Variants in FHIT observed in about 807,000 individuals in gnomAD.
FHIT encodes bis(5'-adenosyl)-triphosphatase.
A neutral mutation model predicts 17.9 loss-of-function variants in FHIT; 19 were observed. The ratio of observed to expected loss-of-function variants is 1.06; its 90% confidence interval spans 0.74 to 1.56. FHIT has a LOEUF of 1.56. Among genes scored for constraint, FHIT ranks in the 40% most tolerant of loss-of-function variants. The probability of loss-of-function intolerance (pLI) is 0.00; values close to 1 mark genes in which losing one functional copy is unlikely to be tolerated. For missense variants in FHIT, 248 were observed against 189.2 expected, an observed-to-expected ratio of 1.31 and a Z score of -1.82; for synonymous variants, 81 against 69.7, an observed-to-expected ratio of 1.16 and a Z score of -0.81.
At chr3:60,819,449 T>C (rs1371283250) in intron 4 of FHIT, among the ~76,000 whole-genome samples, 4 of 152,302 alleles carry the variant, frequency 2.6e-5, no homozygotes, top group African/African-American at 2.4e-5. Flanking sequence ...ACATGGTACT[T>C]TGCCACGTTA....
At chr3:61,116,081 A>G (rs1187761935) in intron 2 of FHIT, among the ~76,000 whole-genome samples, 1 of 152,096 alleles carries the variant, frequency 6.6e-6, no homozygotes, top group Non-Finnish European at 1.5e-5. Flanking sequence ...TACAGAAACA[A>G]CATTTACAAC....
chr3:61,174,842 G>T (rs1320882391), intron 2 of FHIT, among the ~76,000 whole-genome samples: 1 of 152,192 alleles, frequency 6.6e-6, no homozygotes. Context: ...CTTGCAATGG[G>T]ATACTTGTGA....
intron 5 of FHIT, among the ~76,000 whole-genome samples, chr3:60,352,920 T>A (rs1265973748): frequency 1.3e-5 from 2 of 152,158 alleles, no homozygotes. Context: ...CCTCGCATTC[T>A]CAGTGTGGGG....
chr3:60,039,536 C>A (rs572870403), intron 5 of FHIT, among the ~76,000 whole-genome samples: 8 of 152,114 alleles, frequency 5.3e-5, no homozygotes, highest in African/African-American at 1.7e-4. Flanking sequence ...CAAAACAGCA[C>A]CTAATTAAGG....
chr3:60,234,988 C>T (rs1233595506), intron 5 of FHIT, among the ~76,000 whole-genome samples: 2 of 152,050 alleles, frequency 1.3e-5, no homozygotes, highest in Non-Finnish European at 2.9e-5. Flanking sequence ...TATCCTGGGG[C>T]TACGTAGGTG....
intron 5 of FHIT, among the ~76,000 whole-genome samples, chr3:60,396,278 G>A (rs1268683441): frequency 6.6e-6 from 1 of 152,170 alleles, no homozygotes; most frequent in East Asian, 1.9e-4. Flanking sequence ...TGCACACTCT[G>A]TGTATGTTCT....
At chr3:59,837,836 A>C (rs182254263) in intron 8 of FHIT, among the ~76,000 whole-genome samples, 19 of 152,202 alleles carry the variant, frequency 1.2e-4, no homozygotes, top group Non-Finnish European at 2.2e-4. Flanking sequence ...CTGCAATGTA[A>C]AATGGTGGTG....
At chr3:60,927,931 A>C (rs112721505) in intron 3 of FHIT, among the ~76,000 whole-genome samples, 6,683 of 152,356 alleles carry the variant, frequency 0.044, 514 homozygotes, top group African/African-American at 0.15. Context: ...AGAAAGAAGT[A>C]GACATAGGAG....
rs114367963 is a variant in FHIT, at chr3:60,022,259, G to A, written c.104-8107C>T. Among the ~76,000 whole-genome samples the A allele has an allele frequency of 2.9e-3, 436 of 152,324 alleles. 3 individuals are homozygous for A. Among genetic ancestry groups the A allele is most frequent in the African/African-American group, 9.9e-3 (412 of 41,574 alleles). On this transcript the variant is annotated intron_variant, in intron 5 of 9. Transcript: ENST00000492590. Reference sequence around the variant, plus strand: ...AAAGAAAGAGAGCATTCTGTGAAATGAAATATGCTGAGAAGTTGAGCATTA... The same window carrying A: ...AAAGAAAGAGAGCATTCTGTGAAATAAAATATGCTGAGAAGTTGAGCATTA...
intron 7 of FHIT, among the ~76,000 whole-genome samples, chr3:59,976,008 G>T (rs1389345200): frequency 2.0e-5 from 3 of 152,140 alleles, no homozygotes; most frequent in African/African-American, 7.2e-5. Flanking sequence ...TACTCTGAAG[G>T]ACTTGGGTTC....
intron 8 of FHIT, among the ~76,000 whole-genome samples, chr3:59,757,061 C>T (rs1365239798): frequency 4.6e-5 from 7 of 152,096 alleles, no homozygotes; most frequent in Admixed American, 4.6e-4. Context: ...GCAGGTAAGT[C>T]ACGTAAGTTA....
At chr3:60,556,899 G>A (rs147296022) in intron 4 of FHIT, among the ~76,000 whole-genome samples, 1 of 152,160 alleles carries the variant, frequency 6.6e-6, no homozygotes, top group African/African-American at 2.4e-5. Context: ...TTTTTATACA[G>A]CTAAGAGAAG....
At chr3:59,971,019 A>G (rs1405053730) in intron 7 of FHIT, among the ~76,000 whole-genome samples, 2 of 152,078 alleles carry the variant, frequency 1.3e-5, no homozygotes, top group Admixed American at 6.6e-5. Context: ...TCAGCTGCAC[A>G]CAATTATGGG....
intron 5 of FHIT, among the ~76,000 whole-genome samples, chr3:60,381,462 G>A (rs1358420056): frequency 1.4e-5 from 2 of 147,866 alleles, no homozygotes; most frequent in East Asian, 2.0e-4. Context: ...TGGGCAACAA[G>A]AGCAAAACTC....
At chr3:59,978,077 T>C (rs527786977) in intron 7 of FHIT, among the ~76,000 whole-genome samples, 1 of 152,278 alleles carries the variant, frequency 6.6e-6, no homozygotes, top group African/African-American at 2.4e-5. Context: ...TCTCAGTTCA[T>C]CCTCATAATA....
chr3:60,121,970 T>C (rs186017338), intron 5 of FHIT, among the ~76,000 whole-genome samples: 1 of 152,274 alleles, frequency 6.6e-6, no homozygotes, highest in Non-Finnish European at 1.5e-5. Context: ...AAGGATAATT[T>C]ATCAGGCCTG....
chr3:59,750,220 TAAAGTGTCTAG>T, intron 9 of FHIT: 1 of 226,072 alleles, frequency 4.4e-6, no homozygotes, highest in Non-Finnish European at 8.8e-6. Context: ...TTAAAGTTCT[TAAAGTGTCTAG>T]AAAAAGCATT....
intron 5 of FHIT, among the ~76,000 whole-genome samples, chr3:60,467,458 C>A (rs1434024859): frequency 1.3e-5 from 2 of 151,760 alleles, no homozygotes; most frequent in East Asian, 1.9e-4. Context: ...TAGGCAATTA[C>A]TACTATAAAC....
chr3:60,413,745 T>C (rs974864511), intron 5 of FHIT, among the ~76,000 whole-genome samples: 1 of 152,108 alleles, frequency 6.6e-6, no homozygotes, highest in South Asian at 2.1e-4. Flanking sequence ...AGTATGTAGT[T>C]GTCCATGTCA....
Sources: gnomAD v4.1 joint callset for allele counts (sites outside exome capture counted in the v4.1 genomes callset) on GRCh38, gnomAD v4.1.1 for gene constraint, MANE v1.5 for transcripts, NCBI Gene and HGNC (gene_info 2026-07-23, HGNC 2026-07-21) for gene names.